KCNQ1: variants seen among roughly 807,000 people sequenced by gnomAD.
KCNQ1 encodes the protein potassium voltage-gated channel subfamily KQT member 1.
In KCNQ1, 49 loss-of-function variants were observed where a neutral mutation model predicts 72.4. The ratio of observed to expected loss-of-function variants is 0.68; its 90% confidence interval spans 0.54 to 0.86. The LOEUF (loss-of-function observed/expected upper bound fraction) is 0.86. Ranked by LOEUF, KCNQ1 falls within the 40% of genes least tolerant of loss-of-function variation. KCNQ1 has a pLI of 0.00. For synonymous variants in KCNQ1, 450 were observed against 412.6 expected (o/e 1.09, Z -1.10); for missense variants, 790 against 945.1 (o/e 0.84, Z 2.15).
intron 1 of KCNQ1, among the ~76,000 whole-genome samples, chr11:2,460,567 G>A (rs962327742): frequency 1.3e-5 from 2 of 149,296 alleles, no homozygotes; most frequent in Non-Finnish European, 3.0e-5. Context: ...CTGTGTCCAT[G>A]TGTTTTGGAG....
rs1479734967 is a variant in KCNQ1, at chr11:2,816,944, C to T, written c.1795-30823C>T. 1.3e-5 allele frequency among the ~76,000 whole-genome samples: 2 copies of T among 152,124 alleles called. No homozygotes were observed. Among genetic ancestry groups the T allele is most frequent in the Non-Finnish European group, 2.9e-5 (2 of 68,012 alleles). On this transcript the variant is annotated intron_variant, in intron 15 of 15. Transcript: ENST00000155840. This position sits in a 1 kb window ranked among gnomAD's most constrained non-coding sequence, Gnocchi z 6.8. Reference sequence around the variant, plus strand: ...CCCCTGGGCAGTGGCTGCCCCTCTGCCTCTGGAGGTCCCCTCCAAAACCTT... The same window carrying T: ...CCCCTGGGCAGTGGCTGCCCCTCTGTCTCTGGAGGTCCCCTCCAAAACCTT...
rs1850228574 is a variant in KCNQ1 at position 2,673,577 on chromosome 11, A to G, written c.1514+11496A>G. The G allele has an allele frequency of 2.5e-6, 1 of 398,710 alleles. No individual in the cohort carries two copies. The highest frequency in any genetic ancestry group is 4.4e-6 in the Non-Finnish European group (1 of 226,148). The allele number at this position is 398,710 out of a possible 1,614,324, so 24.7% of individuals were successfully genotyped here. A position where few individuals can be genotyped will look rare whatever the true frequency, so the allele number is the denominator to read the frequency against. On this transcript the variant is annotated intron_variant, in intron 11 of 15. Transcript: ENST00000155840. This position sits in a 1 kb window ranked among gnomAD's most constrained non-coding sequence, Gnocchi z 4.5. ...CCTGGCCATGCAGGTGGAAGACCCT[A>G]TTACTTGGGCTAAAGAGAAGCTAAA...
intron 4 of KCNQ1, 142 bp downstream of exon 4, chr11:2,571,545 T>G: frequency 1.4e-6 from 1 of 728,572 alleles, no homozygotes; most frequent in Non-Finnish European, 2.4e-6. Flanking sequence ...CACTGAGCCA[T>G]GTGCTGGGAT....
In KCNQ1 at chr11:2,818,869, G is replaced by A. The variant is rs193127191; in HGVS notation, c.1795-28898G>A. Among the ~76,000 whole-genome samples, 101 of 152,164 alleles carry A rather than the reference G, an allele frequency of 6.6e-4. No homozygotes were observed. The highest frequency in any genetic ancestry group is 1.3e-3 in the Admixed American group (20 of 15,296). On this transcript the variant is annotated intron_variant, in intron 15 of 15. Transcript: ENST00000155840. This position sits in a 1 kb window ranked among gnomAD's most constrained non-coding sequence, Gnocchi z 7.2. ...TAGCTGCTCTTCCCCCAACCCCCAG[G>A]CCCAGCAGAATCACATCTAGGAGAG...
Position 2,603,163 on chromosome 11 carries a change from G to A in KCNQ1, c.1393+14309G>A, listed in dbSNP as rs1848831061. ...GCAATGAAGCAAATATTGCAATAAA[G>A]CAAGTCACACAAATTTTTTGGTTTG... On this transcript the variant is annotated intron_variant, in intron 10 of 15. Transcript: ENST00000155840. This position sits in a 1 kb window ranked among gnomAD's most constrained non-coding sequence, Gnocchi z 4.1. 6.6e-6 allele frequency among the ~76,000 whole-genome samples: 1 copy of A among 152,198 alleles called. No homozygotes were observed. The highest frequency in any genetic ancestry group is 1.5e-5 in the Non-Finnish European group (1 of 68,040).
rs544665203 is a variant in KCNQ1, at chr11:2,704,897, G to A, written c.1514+42816G>A. Among the ~76,000 whole-genome samples the A allele has an allele frequency of 1.3e-5, 2 of 152,282 alleles. No homozygotes were observed. Among genetic ancestry groups the A allele is most frequent in the East Asian group, 3.9e-4 (2 of 5,184 alleles). Reference sequence around the variant, plus strand: ...TGGAGGGTTTCTGAAGATCTGGCTTGGATATAGTGGGGTCAGACCCTATCC... The same window carrying A: ...TGGAGGGTTTCTGAAGATCTGGCTTAGATATAGTGGGGTCAGACCCTATCC... On this transcript the variant is annotated intron_variant, in intron 11 of 15. Transcript: ENST00000155840. This position sits in a 1 kb window ranked among gnomAD's most constrained non-coding sequence, Gnocchi z 4.3.
intron 1 of KCNQ1, chr11:2,461,470 G>A (rs760934249): frequency 7.8e-6 from 10 of 1,290,252 alleles, no homozygotes; most frequent in South Asian, 1.2e-5. Context: ...TCCATGGCCT[G>A]GGGCTGTGAG....
rs1477538925 is a variant in KCNQ1 at position 2,736,080 on chromosome 11, TG to T, written c.1515-32758del. On this transcript the variant is annotated intron_variant, in intron 11 of 15. Coordinates refer to ENST00000155840, the MANE Select transcript of KCNQ1 (RefSeq NM_000218.3). Reference sequence around the variant, plus strand: ...AGAAGGCCCATGAGCTGCCTGGGGTTGGGGGGTGGTCCTTATACATACTTTA... The same window carrying T: ...AGAAGGCCCATGAGCTGCCTGGGGTTGGGGGTGGTCCTTATACATACTTTA... Among the ~76,000 whole-genome samples the T allele has an allele frequency of 7.2e-5, 11 of 152,082 alleles. No homozygotes were observed. In the South Asian group the frequency reaches 2.3e-3, roughly 32 times the overall value.
intron 1 of KCNQ1, among the ~76,000 whole-genome samples, chr11:2,487,560 G>A (rs1231985244): frequency 6.6e-6 from 1 of 152,056 alleles, no homozygotes; most frequent in East Asian, 1.9e-4. Flanking sequence ...AATGTTTTGT[G>A]GGTTTTGCTG....
At position 2,471,601 on chromosome 11, in the gene KCNQ1, C is replaced by T. The variant is rs1219748717; in HGVS notation, c.386+26117C>T. Among the ~76,000 whole-genome samples, 3 of 151,442 alleles carry T rather than the reference C, an allele frequency of 2.0e-5. No homozygotes were observed. The highest frequency in any genetic ancestry group is 7.3e-5 in the African/African-American group (3 of 41,258). ...GTGCACGTGTGTATGGGTGCGTGTG[C>T]ACCTGTGTATATGGGTGTGTGCACG... On this transcript the variant is annotated intron_variant, in intron 1 of 15. Transcript: ENST00000155840. The surrounding 1 kb of genome is among the most constrained non-coding windows in gnomAD (Gnocchi z 4.8).
intron 15 of KCNQ1, among the ~76,000 whole-genome samples, chr11:2,786,902 A>AT (rs1256898074): frequency 9.2e-6 from 1 of 109,152 alleles, no homozygotes; most frequent in African/African-American, 3.5e-5. Flanking sequence ...TCCCTGTTTG[A>AT]TTTTTTCTTC....
chr11:2,799,821 G>A (rs1465177411), intron 15 of KCNQ1, among the ~76,000 whole-genome samples: 1 of 152,210 alleles, frequency 6.6e-6, no homozygotes, highest in Non-Finnish European at 1.5e-5. Context: ...GTGGAAATGA[G>A]TCGGCAGGCT....
intron 11 of KCNQ1, among the ~76,000 whole-genome samples, chr11:2,732,636 G>A (rs1011535348): frequency 2.0e-5 from 3 of 152,216 alleles, no homozygotes; most frequent in South Asian, 2.1e-4. Flanking sequence ...TGACCTTTCC[G>A]GCCACGGGGC....
intron 15 of KCNQ1, among the ~76,000 whole-genome samples, chr11:2,829,754 A>C (rs2134066421): frequency 6.6e-6 from 1 of 152,270 alleles, no homozygotes; most frequent in Admixed American, 6.5e-5. Context: ...AGGTAAAGCC[A>C]AGAGATAGTC....
At chr11:2,573,801 C>T (rs1564821515) in intron 6 of KCNQ1, among the ~76,000 whole-genome samples, 1 of 152,124 alleles carries the variant, frequency 6.6e-6, no homozygotes, top group South Asian at 2.1e-4. Flanking sequence ...TGGGGGCTTC[C>T]TTGAGGGACT....
At chr11:2,505,181 CATGCA>C (rs974075031) in intron 1 of KCNQ1, among the ~76,000 whole-genome samples, 1 of 152,122 alleles carries the variant, frequency 6.6e-6, no homozygotes, top group Non-Finnish European at 1.5e-5. Context: ...TTAAGCCCTA[CATGCA>C]TTAACTATTT....
At position 2,787,994 on chromosome 11, in the gene KCNQ1, G is replaced by A. The variant is rs1038815222; in HGVS notation, c.1794+9957G>A. On this transcript the variant is annotated intron_variant, in intron 15 of 15. Transcript: ENST00000155840. This position sits in a 1 kb window ranked among gnomAD's most constrained non-coding sequence, Gnocchi z 6.3. ...GCTTTGGACGGGCATGGCCGTGCGC[G>A]CGTGTGGGGAGGTGAGTGTGGCTCC... Among the ~76,000 whole-genome samples, 9 of 152,320 alleles carry A rather than the reference G, an allele frequency of 5.9e-5. 1 individual carries two copies. Among genetic ancestry groups the A allele is most frequent in the South Asian group, 4.1e-4 (2 of 4,832 alleles).
Position 2,510,647 on chromosome 11 carries a change from C to G in KCNQ1, c.387-17281C>G, listed in dbSNP as rs1166421973. Among the ~76,000 whole-genome samples, 3 of 152,236 alleles carry G rather than the reference C, an allele frequency of 2.0e-5. No homozygotes were observed. The East Asian group carries it at 5.8e-4, about 29-fold the overall frequency. On this transcript the variant is annotated intron_variant, in intron 1 of 15. Transcript: ENST00000155840. The stretch of plus-strand genomic sequence containing the variant: ...CTAACATGTTGGGCTTTCTCTGCTT[C>G]TGGGCAATGTCCGTGAAATTGAAGC...
In KCNQ1 at chr11:2,620,799, T is replaced by G. The variant is rs986744526; in HGVS notation, c.1393+31945T>G. On this transcript the variant is annotated intron_variant, in intron 10 of 15. Transcript: ENST00000155840. The surrounding 1 kb of genome is among the most constrained non-coding windows in gnomAD (Gnocchi z 4.5). ...GCACAGTGGCTGAACTAATTTGTAT[T>G]CCTGCCAACAGTGTATAAGCGTTCC... 2.5e-6 allele frequency: 1 copy of G among 398,542 alleles called. No homozygotes were observed. The highest frequency in any genetic ancestry group is 4.4e-6 in the Non-Finnish European group (1 of 226,086). 24.7% of individuals were successfully genotyped at this position (398,542 alleles called of 1,614,324 possible).
Sources: allele counts gnomAD v4.1 joint callset (sites outside exome capture counted in the v4.1 genomes callset), GRCh38; gene constraint gnomAD v4.1.1; non-coding constraint Gnocchi (gnomAD v3.1); transcripts MANE v1.5; gene names NCBI Gene and HGNC (gene_info 2026-07-23, HGNC 2026-07-21).